Variants in USH2A observed in about 807,000 individuals in gnomAD.
The protein encoded by USH2A is usherin.
A neutral mutation model predicts 538.9 loss-of-function variants in USH2A; 443 were observed. The observed-to-expected ratio is 0.82, with a 90% CI of 0.76 to 0.89. The LOEUF is 0.89. Among genes scored for constraint, USH2A ranks in the 40% least tolerant of loss-of-function variants. The probability of loss-of-function intolerance (pLI) is 0.00; values close to 1 mark genes in which losing one functional copy is unlikely to be tolerated. For missense variants in USH2A, 6,633 were observed against 6,324.8 expected, an observed-to-expected ratio of 1.05 and a Z score of -1.65; for synonymous variants, 2,413 against 2,273.5, an observed-to-expected ratio of 1.06 and a Z score of -1.75.
intron 21 of USH2A, among the ~76,000 whole-genome samples, chr1:216,147,596 C>A (rs2033737261): frequency 6.6e-6 from 1 of 151,626 alleles, no homozygotes; most frequent in African/African-American, 2.4e-5. Flanking sequence ...CAATCTGCTC[C>A]CGACATTAAA....
chr1:215,777,501 T>C (rs907598606), intron 55 of USH2A, among the ~76,000 whole-genome samples: 1 of 152,252 alleles, frequency 6.6e-6, no homozygotes, highest in Non-Finnish European at 1.5e-5. Context: ...TGTGAAACCT[T>C]TGCTGGTACA....
At chr1:215,805,834 A>T (rs1401970742) in intron 49 of USH2A, among the ~76,000 whole-genome samples, 1 of 149,250 alleles carries the variant, frequency 6.7e-6, no homozygotes, top group African/African-American at 2.6e-5. Flanking sequence ...TTCAGACCAC[A>T]TTAACAGCTT....
At chr1:215,719,538 CAT>C (rs1413731297) in intron 61 of USH2A, among the ~76,000 whole-genome samples, 2 of 152,172 alleles carry the variant, frequency 1.3e-5, no homozygotes, top group East Asian at 3.9e-4. Context: ...ATGTATAAAA[CAT>C]AAGGTTTTTC....
intron 64 of USH2A, among the ~76,000 whole-genome samples, chr1:215,665,355 C>T (rs961646348): frequency 6.6e-6 from 1 of 152,176 alleles, no homozygotes. Context: ...AGTCATGAGG[C>T]ACCAGAATGC....
In USH2A at chr1:215,662,895, G is replaced by A. The variant is rs138405490; in HGVS notation, c.14133+8077C>T. On this transcript the variant is annotated intron_variant, in intron 64 of 71. Transcript: ENST00000307340. The stretch of plus-strand genomic sequence containing the variant: ...ACTAAACAGAAAATGTGTTCAATAT[G>A]TTTTCTCTAAATGTGATATAGAAAA... 1.2e-4 allele frequency among the ~76,000 whole-genome samples: 19 copies of A among 152,262 alleles called. No individual in the cohort carries two copies. In the East Asian group the frequency reaches 3.3e-3, roughly 26 times the overall value.
intron 62 of USH2A, among the ~76,000 whole-genome samples, chr1:215,675,831 CT>C (rs377133904): frequency 1.1e-4 from 17 of 151,146 alleles, no homozygotes; most frequent in African/African-American, 2.9e-4. Flanking sequence ...TTTTTCTTTT[CT>C]TTTTTTTCAG....
Position 215,625,083 on chromosome 1 carries a change from T to TTTGGGGATGTATAAAA in USH2A, c.*697_*698insTTTTATACATCCCCAA, listed in dbSNP as rs1553312976. The TTTGGGGATGTATAAAA allele has an allele frequency of 6.6e-6, 1 of 152,380 alleles. No homozygotes were observed. The highest frequency in any genetic ancestry group is 1.5e-5 in the Non-Finnish European group (1 of 68,148). The allele number at this position is 152,380 out of a possible 1,614,324, so 9.4% of individuals were successfully genotyped here. The stretch of plus-strand genomic sequence containing the variant: ...CCTCAAAATGTATAAATAAGCTGTT[T>TTTGGGGATGTATAAAA]ACTCCTTAGATTTTTGGAAAATTCA... On this transcript the variant is annotated 3_prime_UTR_variant, in exon 72 of 72. Transcript: ENST00000307340.
chr1:215,916,950 C>T (rs1392891414), intron 38 of USH2A, among the ~76,000 whole-genome samples: 32 of 152,128 alleles, frequency 2.1e-4, no homozygotes, highest in Admixed American at 2.1e-3. Flanking sequence ...AAACATCAGA[C>T]AGACTGAAGT....
intron 38 of USH2A, among the ~76,000 whole-genome samples, chr1:215,932,220 A>G (rs1460463007): frequency 6.6e-6 from 1 of 152,022 alleles, no homozygotes; most frequent in Admixed American, 6.6e-5. Flanking sequence ...TCCAACTATA[A>G]TGGAAAAGTA....
intron 11 of USH2A, among the ~76,000 whole-genome samples, chr1:216,287,059 T>G (rs1274100373): frequency 6.6e-6 from 1 of 152,106 alleles, no homozygotes; most frequent in Non-Finnish European, 1.5e-5. Context: ...TTTTAGCAAA[T>G]AAAATTTAAC....
intron 44 of USH2A, among the ~76,000 whole-genome samples, chr1:215,848,388 G>A (rs1246809284): frequency 6.6e-6 from 1 of 152,164 alleles, no homozygotes; most frequent in Non-Finnish European, 1.5e-5. Flanking sequence ...AATTTCACTT[G>A]GGTTATTAAA....
chr1:215,627,397 CT>C (rs1656071613), intron 71 of USH2A, among the ~76,000 whole-genome samples: 1 of 64,990 alleles, frequency 1.5e-5, no homozygotes, highest in African/African-American at 5.9e-5. Context: ...TCCTTCCTTC[CT>C]TCCTTCCTTC....
chr1:216,057,355 A>G (rs2031012648), intron 30 of USH2A, among the ~76,000 whole-genome samples: 1 of 152,122 alleles, frequency 6.6e-6, no homozygotes, highest in African/African-American at 2.4e-5. Flanking sequence ...TTTTCAGACC[A>G]GTTTCTTTCA....
At chr1:215,777,994 A>C (rs2102758828) in intron 55 of USH2A, among the ~76,000 whole-genome samples, 1 of 152,322 alleles carries the variant, frequency 6.6e-6, no homozygotes, top group Middle Eastern at 3.4e-3. Context: ...CTTCAAGTAA[A>C]ATAAGATAAA....
At chr1:216,338,232 C>A (rs960160759) in intron 4 of USH2A, among the ~76,000 whole-genome samples, 1 of 151,352 alleles carries the variant, frequency 6.6e-6, no homozygotes, top group Admixed American at 6.6e-5. Context: ...TGCAAGATAT[C>A]AAAAGATAAT....
At chr1:215,690,320 T>C (rs1374414515) in intron 61 of USH2A, among the ~76,000 whole-genome samples, 1 of 152,152 alleles carries the variant, frequency 6.6e-6, no homozygotes, top group Admixed American at 6.5e-5. Flanking sequence ...CCTTGGCTTC[T>C]TGAATGGGCA....
intron 21 of USH2A, among the ~76,000 whole-genome samples, chr1:216,155,191 T>C (rs2033913493): frequency 6.6e-6 from 1 of 152,236 alleles, no homozygotes; most frequent in East Asian, 1.9e-4. Flanking sequence ...TGATCATAGA[T>C]GATCATCCCT....
At chr1:215,707,726 G>A (rs1400235689) in intron 61 of USH2A, among the ~76,000 whole-genome samples, 1 of 152,144 alleles carries the variant, frequency 6.6e-6, no homozygotes, top group Non-Finnish European at 1.5e-5. Context: ...AAATGGAAAG[G>A]AATAAAAGTA....
At chr1:215,731,303 C>T (rs1335842698) in intron 60 of USH2A, among the ~76,000 whole-genome samples, 4 of 152,142 alleles carry the variant, frequency 2.6e-5, no homozygotes, top group East Asian at 1.9e-4. Context: ...AAATTAATAT[C>T]GTGGAGAAGT....
Sources: gnomAD v4.1 joint callset for allele counts (sites outside exome capture counted in the v4.1 genomes callset) on GRCh38, gnomAD v4.1.1 for gene constraint, MANE v1.5 for transcripts, NCBI Gene and HGNC (gene_info 2026-07-23, HGNC 2026-07-21) for gene names.